PEX5L: variants seen among roughly 807,000 people sequenced by gnomAD.
PEX5L encodes peroxisomal biogenesis factor 5 like.
PEX5L carries 30 observed loss-of-function variants against 84.0 expected under a neutral mutation model. The ratio of observed to expected loss-of-function variants is 0.36; its 90% confidence interval spans 0.27 to 0.48. The LOEUF (loss-of-function observed/expected upper bound fraction) is 0.48, where lower values mean the gene tolerates loss of function less well. Among genes scored for constraint, PEX5L ranks in the 20% least tolerant of loss-of-function variants. The pLI is 0.99. For synonymous variants in PEX5L, 270 were observed against 283.1 expected (o/e 0.95, Z 0.46); for missense variants, 533 against 754.6 (o/e 0.71, Z 3.44).
chr3:180,004,208 C>T (rs898462843), intron 1 of PEX5L, among the ~76,000 whole-genome samples: 10 of 152,162 alleles, frequency 6.6e-5, no homozygotes. Context: ...TTTCTATGGT[C>T]CTCAAACGTA....
intron 9 of PEX5L, among the ~76,000 whole-genome samples, chr3:179,819,180 A>AT (rs559920327): frequency 9.9e-5 from 15 of 151,758 alleles, no homozygotes; most frequent in Non-Finnish European, 2.1e-4. Flanking sequence ...AAAGTTCCAC[A>AT]TTTTTCTTTC....
At chr3:179,852,902 T>C (rs1742458417) in intron 8 of PEX5L, among the ~76,000 whole-genome samples, 1 of 152,228 alleles carries the variant, frequency 6.6e-6, no homozygotes, top group Non-Finnish European at 1.5e-5. Context: ...AGTCGGTCAG[T>C]AAGTTAGTCA....
At chr3:179,947,128 C>G (rs754245880) in intron 2 of PEX5L, among the ~76,000 whole-genome samples, 5 of 152,134 alleles carry the variant, frequency 3.3e-5, no homozygotes, top group Non-Finnish European at 7.4e-5. Context: ...AAAGTACGCT[C>G]ATCTGAGAAA....
intron 1 of PEX5L, among the ~76,000 whole-genome samples, chr3:180,009,906 C>G (rs1425747165): frequency 2.0e-5 from 3 of 152,088 alleles, no homozygotes; most frequent in Non-Finnish European, 4.4e-5. Context: ...CTCTCCTCCA[C>G]CTGCCAGAAA....
At chr3:179,827,877 C>T (rs1731120740) in intron 8 of PEX5L, among the ~76,000 whole-genome samples, 2 of 152,132 alleles carry the variant, frequency 1.3e-5, no homozygotes, top group Non-Finnish European at 2.9e-5. Flanking sequence ...TAGTCAATCT[C>T]CCCCCAGCCC....
At chr3:179,860,884 C>T (rs1454971184) in intron 7 of PEX5L, among the ~76,000 whole-genome samples, 2 of 152,192 alleles carry the variant, frequency 1.3e-5, no homozygotes, top group African/African-American at 4.8e-5. Context: ...TGCTCATAAC[C>T]ACTGTTCTAC....
rs753382207 is a variant in PEX5L at position 179,859,030 on chromosome 3, A to G, written c.822+32T>C. The G allele has an allele frequency of 3.5e-6, 5 of 1,438,152 alleles. No homozygotes were observed. In the South Asian group the frequency reaches 5.7e-5, roughly 16 times the overall value. 89.1% of individuals were successfully genotyped at this position (1,438,152 alleles called of 1,614,324 possible). On this transcript the variant is annotated intron_variant, in intron 8 of 14. Coordinates refer to ENST00000467460, the MANE Select transcript of PEX5L (RefSeq NM_016559.3). The stretch of plus-strand genomic sequence containing the variant: ...TTCAAATGCCACTCTCAGGAGCATG[A>G]AACAGAAAAAACTAATTTGAAGAAA...
intron 1 of PEX5L, among the ~76,000 whole-genome samples, chr3:180,028,632 A>T (rs1166896555): frequency 1.3e-5 from 2 of 152,232 alleles, no homozygotes; most frequent in African/African-American, 4.8e-5. Flanking sequence ...TCACTTCAGC[A>T]CTAGCTCTGT....
intron 8 of PEX5L, among the ~76,000 whole-genome samples, chr3:179,831,307 G>A (rs1239164713): frequency 2.7e-5 from 4 of 147,634 alleles, no homozygotes; most frequent in African/African-American, 7.6e-5. Flanking sequence ...GTGACAGGGC[G>A]AGACTCTGTC....
At position 179,997,129 on chromosome 3, in the gene PEX5L, C is replaced by T. The variant is rs535218330; in HGVS notation, c.22-25464G>A. ...CCCACTACATCACCAACAATTTATGCTGTTAATCTTTCTCCTATCCTTCCC... is the reference window on the plus strand; with the variant it reads ...CCCACTACATCACCAACAATTTATGTTGTTAATCTTTCTCCTATCCTTCCC... On this transcript the variant is annotated intron_variant, in intron 1 of 14. Coordinates refer to ENST00000467460, the MANE Select transcript of PEX5L (RefSeq NM_016559.3). 2.0e-5 allele frequency among the ~76,000 whole-genome samples: 3 copies of T among 152,272 alleles called. No homozygotes were observed. The South Asian group carries it at 6.2e-4, about 32-fold the overall frequency.
At chr3:179,987,938 T>G (rs1402661776) in intron 1 of PEX5L, among the ~76,000 whole-genome samples, 1 of 152,206 alleles carries the variant, frequency 6.6e-6, no homozygotes, top group Non-Finnish European at 1.5e-5. Flanking sequence ...TTTTGATCAC[T>G]TTTTTCTCAT....
At chr3:179,892,950 A>G (rs930877026) in intron 3 of PEX5L, among the ~76,000 whole-genome samples, 1 of 152,212 alleles carries the variant, frequency 6.6e-6, no homozygotes, top group Non-Finnish European at 1.5e-5. Flanking sequence ...TAAATCACAG[A>G]TTCAAATCTT....
chr3:180,007,407 C>T (rs561999093), intron 1 of PEX5L, among the ~76,000 whole-genome samples: 76 of 152,332 alleles, frequency 5.0e-4, no homozygotes, highest in African/African-American at 1.6e-3. Context: ...TGCATGTCTG[C>T]GGCTTTTCCA....
chr3:180,028,089 T>C (rs1791127860), intron 1 of PEX5L, among the ~76,000 whole-genome samples: 1 of 152,214 alleles, frequency 6.6e-6, no homozygotes, highest in Admixed American at 6.5e-5. Context: ...TTTTTTTCTT[T>C]TGTAATTTAT....
intron 13 of PEX5L, 72 bp from the exon 14 acceptor site, chr3:179,807,903 G>A: frequency 1.4e-6 from 2 of 1,392,206 alleles, no homozygotes; most frequent in Admixed American, 1.9e-5. Flanking sequence ...GTATTTCTCT[G>A]CAGAGAAAGG....
intron 2 of PEX5L, among the ~76,000 whole-genome samples, chr3:179,918,390 A>G (rs1425007092): frequency 6.6e-6 from 1 of 152,234 alleles, no homozygotes; most frequent in Non-Finnish European, 1.5e-5. Flanking sequence ...ATTTGGGGAT[A>G]GGTACGTCTG....
chr3:180,003,908 C>T (rs1447336549), intron 1 of PEX5L, among the ~76,000 whole-genome samples: 1 of 152,154 alleles, frequency 6.6e-6, no homozygotes, highest in Non-Finnish European at 1.5e-5. Context: ...ACAAATGAGC[C>T]ATGTGAAGAA....
chr3:179,897,788 AT>A lies in PEX5L; in HGVS notation c.198+353del, dbSNP rs928595775. ...ACTTGTTTTTATTCATAGGAATTTG[AT>A]TTTTTTTTGTTCAAATGTACTGTTA... On this transcript the variant is annotated intron_variant, in intron 3 of 14. Coordinates refer to ENST00000467460, the MANE Select transcript of PEX5L (RefSeq NM_016559.3). 5.1e-4 allele frequency among the ~76,000 whole-genome samples: 77 copies of A among 151,502 alleles called. No individual in the cohort carries two copies. The Middle Eastern group carries it at 0.01, about 20-fold the overall frequency.
At chr3:180,036,063 G>C (rs1791881129) in intron 1 of PEX5L, among the ~76,000 whole-genome samples, 1 of 152,148 alleles carries the variant, frequency 6.6e-6, no homozygotes, top group Admixed American at 6.5e-5. Flanking sequence ...GTGACTATTG[G>C]AGTAGATGGC....
Sources: gnomAD v4.1 joint callset for allele counts (sites outside exome capture counted in the v4.1 genomes callset) on GRCh38, gnomAD v4.1.1 for gene constraint, MANE v1.5 for transcripts, NCBI Gene and HGNC (gene_info 2026-07-23, HGNC 2026-07-21) for gene names.